SOX5: variants seen among roughly 807,000 people sequenced by gnomAD.
The protein encoded by SOX5 is SRY-box transcription factor 5, also known as transcription factor SOX-5.
Under a neutral mutation model 92.0 loss-of-function variants are expected in SOX5, and 9 were observed. The ratio of observed to expected loss-of-function variants is 0.10; its 90% CI spans 0.06 to 0.17. The LOEUF (loss-of-function observed/expected upper bound fraction) is 0.17, where lower values mean the gene tolerates loss of function less well. Among genes scored for constraint, SOX5 ranks in the 10% least tolerant of loss-of-function variants. The pLI is 1.00. For missense variants in SOX5, 642 were observed against 944.5 expected, an observed-to-expected ratio of 0.68 and a Z score of 4.20; for synonymous variants, 344 against 336.3, an observed-to-expected ratio of 1.02 and a Z score of -0.25.
intron 2 of SOX5, among the ~76,000 whole-genome samples, chr12:24,353,530 G>A (rs572950459): frequency 1.7e-3 from 254 of 152,196 alleles, no homozygotes; most frequent in African/African-American, 5.7e-3. Context: ...TGGAGGGGTC[G>A]ACATTCCTTG....
At chr12:23,568,410 T>C (rs1947532813) in intron 10 of SOX5, among the ~76,000 whole-genome samples, 1 of 152,170 alleles carries the variant, frequency 6.6e-6, no homozygotes, top group Non-Finnish European at 1.5e-5. Flanking sequence ...GAAACCAATA[T>C]GCCACCCTTG....
intron 4 of SOX5, among the ~76,000 whole-genome samples, chr12:24,108,072 C>A (rs1409832525): frequency 2.6e-5 from 4 of 152,112 alleles, no homozygotes; most frequent in Non-Finnish European, 5.9e-5. Flanking sequence ...CAGAATAGGA[C>A]AACATATTTG....
chr12:23,841,663 T>G (rs918654590), intron 3 of SOX5, among the ~76,000 whole-genome samples: 1 of 152,080 alleles, frequency 6.6e-6, no homozygotes, highest in Non-Finnish European at 1.5e-5. Flanking sequence ...GGAAGAACCT[T>G]AAATTACTAA....
intron 6 of SOX5, among the ~76,000 whole-genome samples, chr12:23,671,324 G>GACTAC (rs1470083382): frequency 5.9e-5 from 9 of 152,124 alleles, no homozygotes; most frequent in Admixed American, 2.0e-4. Flanking sequence ...TTAGTCTGAT[G>GACTAC]AGTGCTACAG....
At chr12:24,205,084 T>C (rs755689671) in intron 4 of SOX5, among the ~76,000 whole-genome samples, 1 of 152,126 alleles carries the variant, frequency 6.6e-6, no homozygotes, top group African/African-American at 2.4e-5. Flanking sequence ...ATCAAGAAGA[T>C]TTTGCAGTAA....
At chr12:24,269,422 T>C (rs1943412612) in intron 3 of SOX5, among the ~76,000 whole-genome samples, 1 of 152,204 alleles carries the variant, frequency 6.6e-6, no homozygotes, top group Non-Finnish European at 1.5e-5. Context: ...TTATCCTCAA[T>C]TTAACTTCAT....
At chr12:24,484,719 G>T (rs963227647) in intron 1 of SOX5, among the ~76,000 whole-genome samples, 1 of 152,146 alleles carries the variant, frequency 6.6e-6, no homozygotes, top group Non-Finnish European at 1.5e-5. Flanking sequence ...AGAAAATCGT[G>T]TCAAAAACAT....
At chr12:24,170,353 C>CA (rs1442396670) in intron 4 of SOX5, among the ~76,000 whole-genome samples, 1 of 152,140 alleles carries the variant, frequency 6.6e-6, no homozygotes, top group African/African-American at 2.4e-5. Flanking sequence ...TGCCACAGAA[C>CA]AAACCAGGCG....
chr12:24,015,922 G>GAA (rs11334278), intron 4 of SOX5, among the ~76,000 whole-genome samples: 2,592 of 145,168 alleles, frequency 0.018, 89 homozygotes, highest in African/African-American at 0.062. Flanking sequence ...AATGGGGGCA[G>GAA]AAAAAAAAAA....
chr12:23,610,167 A>T (rs1010576545), intron 8 of SOX5, among the ~76,000 whole-genome samples: 1 of 152,212 alleles, frequency 6.6e-6, no homozygotes, highest in Non-Finnish European at 1.5e-5. Context: ...AAAATACCTT[A>T]AGCAAGTACT....
At chr12:24,534,709 A>G (rs1386698884) in intron 1 of SOX5, among the ~76,000 whole-genome samples, 1 of 152,220 alleles carries the variant, frequency 6.6e-6, no homozygotes, top group Non-Finnish European at 1.5e-5. Context: ...GCTGTGCTTG[A>G]GATGCACAAA....
intron 2 of SOX5, among the ~76,000 whole-genome samples, chr12:24,362,789 T>C (rs966853780): frequency 1.3e-5 from 2 of 150,376 alleles, no homozygotes; most frequent in Middle Eastern, 3.4e-3. Flanking sequence ...ATTAGCTAGA[T>C]ATTTTATTCA....
intron 6 of SOX5, among the ~76,000 whole-genome samples, chr12:23,681,070 T>A (rs764172051): frequency 2.0e-5 from 3 of 152,034 alleles, no homozygotes; most frequent in Non-Finnish European, 4.4e-5. Context: ...ATACTTTGTA[T>A]TAGCTAGTGT....
At chr12:24,516,097 C>A (rs1220883242) in intron 1 of SOX5, among the ~76,000 whole-genome samples, 1 of 150,212 alleles carries the variant, frequency 6.7e-6, no homozygotes, top group Non-Finnish European at 1.5e-5. Context: ...GGTTGGAGGG[C>A]AGTGGTGCGA....
chr12:23,981,540 T>TC (rs543817809), intron 4 of SOX5, among the ~76,000 whole-genome samples: 29 of 152,306 alleles, frequency 1.9e-4, no homozygotes, highest in African/African-American at 6.3e-4. Context: ...TTGCATTTTT[T>TC]CACTATAGAT....
chr12:24,102,077 A>AT (rs957039202), intron 4 of SOX5, among the ~76,000 whole-genome samples: 13 of 152,222 alleles, frequency 8.5e-5, no homozygotes, highest in African/African-American at 2.9e-4. Context: ...TAAATTATCT[A>AT]TTTTTCCCTT....
intron 2 of SOX5, among the ~76,000 whole-genome samples, chr12:23,873,250 G>A (rs1188566413): frequency 6.6e-6 from 1 of 152,090 alleles, no homozygotes; most frequent in African/African-American, 2.4e-5. Context: ...GATTGCTTGA[G>A]CCTAGGAATT....
At chr12:24,256,536 T>C (rs1369190369) in intron 3 of SOX5, among the ~76,000 whole-genome samples, 1 of 152,110 alleles carries the variant, frequency 6.6e-6, no homozygotes, top group Non-Finnish European at 1.5e-5. Context: ...CACCAGCTGA[T>C]AGGGAAAGCT....
At chr12:23,891,773 A>C (rs930744078) in intron 2 of SOX5, among the ~76,000 whole-genome samples, 3 of 152,218 alleles carry the variant, frequency 2.0e-5, no homozygotes, top group South Asian at 2.1e-4. Context: ...AAGAGAAATT[A>C]TTTATATTGA....
Sources: allele counts gnomAD v4.1 joint callset (sites outside exome capture counted in the v4.1 genomes callset), GRCh38; gene constraint gnomAD v4.1.1; transcripts MANE v1.5; gene names NCBI Gene and HGNC (gene_info 2026-07-23, HGNC 2026-07-21).